Variants in UMAD1 observed in about 807,000 individuals in gnomAD.
UMAD1 encodes UBAP1-MVB12-associated (UMA) domain containing 1.
A neutral mutation model predicts 6.1 loss-of-function variants in UMAD1; 8 were observed. The observed-to-expected ratio is 1.30, with a 90% confidence interval of 0.76 to 2.35. The LOEUF (loss-of-function observed/expected upper bound fraction) is 2.35. Among genes scored for constraint, UMAD1 ranks in the 30% most tolerant of loss-of-function variants. The probability of loss-of-function intolerance (pLI) is 0.00; values close to 1 mark genes in which losing one functional copy is unlikely to be tolerated. For synonymous variants in UMAD1, 56 were observed against 31.4 expected, an observed-to-expected ratio of 1.78 and a Z score of -2.61; for missense variants, 130 against 78.4, an observed-to-expected ratio of 1.66 and a Z score of -2.49.
chr7:7,807,623 C>T (rs988227626), intron 3 of UMAD1, among the ~76,000 whole-genome samples: 1 of 151,966 alleles, frequency 6.6e-6, no homozygotes, highest in African/African-American at 2.4e-5. Context: ...TAAAAAAGAT[C>T]TGGTTTGGGC....
intron 2 of UMAD1, among the ~76,000 whole-genome samples, chr7:7,683,180 G>T (rs1271438496): frequency 1.3e-5 from 2 of 152,202 alleles, no homozygotes; most frequent in African/African-American, 2.4e-5. Context: ...CGGGGACTCA[G>T]TGGATTTAGT....
chr7:7,744,006 C>T (rs1240389678), intron 2 of UMAD1, among the ~76,000 whole-genome samples: 1 of 152,010 alleles, frequency 6.6e-6, no homozygotes, highest in Admixed American at 6.5e-5. Context: ...ATAACCATTA[C>T]CATAGTTAAT....
intron 2 of UMAD1, among the ~76,000 whole-genome samples, chr7:7,724,791 G>A (rs1208648692): frequency 6.6e-6 from 1 of 152,210 alleles, no homozygotes; most frequent in Non-Finnish European, 1.5e-5. Context: ...CTTGGCAAAT[G>A]CCCTTTTCTC....
At chr7:7,674,469 G>T (rs1779688809) in intron 2 of UMAD1, among the ~76,000 whole-genome samples, 4 of 152,174 alleles carry the variant, frequency 2.6e-5, no homozygotes, top group Admixed American at 2.0e-4. Context: ...CCATGTTCTG[G>T]CAGGCCTGTT....
At chr7:7,676,069 T>C (rs1779730565) in intron 2 of UMAD1, 2 of 398,646 alleles carry the variant, frequency 5.0e-6, no homozygotes, top group Non-Finnish European at 8.8e-6. Flanking sequence ...TCGTTCTCTT[T>C]TCATCATTCA....
chr7:7,669,432 G>T (rs1563104013), intron 1 of UMAD1, among the ~76,000 whole-genome samples: 1 of 152,142 alleles, frequency 6.6e-6, no homozygotes, highest in Non-Finnish European at 1.5e-5. Context: ...TCCACTGTAG[G>T]TTACGTTTTT....
chr7:7,801,017 A>T (rs780124162), intron 2 of UMAD1, among the ~76,000 whole-genome samples: 1 of 152,238 alleles, frequency 6.6e-6, no homozygotes, highest in Non-Finnish European at 1.5e-5. Context: ...AAATGGGCCA[A>T]TTATGAAATT....
At chr7:7,735,041 G>A (rs962177649) in intron 2 of UMAD1, among the ~76,000 whole-genome samples, 1 of 151,966 alleles carries the variant, frequency 6.6e-6, no homozygotes, top group African/African-American at 2.4e-5. Context: ...TTTCTGTCAT[G>A]AAATACTTAT....
intron 2 of UMAD1, among the ~76,000 whole-genome samples, chr7:7,677,660 TTTTG>T (rs1466351573): frequency 3.1e-5 from 1 of 32,502 alleles, no homozygotes; most frequent in Non-Finnish European, 9.3e-5. Context: ...TCATCTGTTT[TTTTG>T]TTTTTTTTTT....
chr7:7,831,480 T>C (rs1177701764), intron 3 of UMAD1, among the ~76,000 whole-genome samples: 2 of 152,320 alleles, frequency 1.3e-5, no homozygotes, highest in South Asian at 2.1e-4. Context: ...ATGAAAGAAG[T>C]CAAAGTGGCC....
chr7:7,823,278 A>G (rs1783276788), intron 3 of UMAD1, among the ~76,000 whole-genome samples: 2 of 152,150 alleles, frequency 1.3e-5, no homozygotes, highest in Non-Finnish European at 2.9e-5. Flanking sequence ...TTTTCCCTTA[A>G]CTATGATTGC....
chr7:7,869,462 T>C (rs1243979378), intron 3 of UMAD1, among the ~76,000 whole-genome samples: 2 of 152,218 alleles, frequency 1.3e-5, no homozygotes, highest in Non-Finnish European at 2.9e-5. Flanking sequence ...TGCATGTAAA[T>C]TGAATGTGTT....
chr7:7,824,747 G>A (rs1783308284), intron 3 of UMAD1, among the ~76,000 whole-genome samples: 1 of 152,120 alleles, frequency 6.6e-6, no homozygotes, highest in Non-Finnish European at 1.5e-5. Flanking sequence ...CTTGAGAAAT[G>A]TTTGAGTGCC....
chr7:7,688,925 T>C (rs1312096360), intron 2 of UMAD1, among the ~76,000 whole-genome samples: 1 of 152,190 alleles, frequency 6.6e-6, no homozygotes, highest in African/African-American at 2.4e-5. Flanking sequence ...AAAATAAGTC[T>C]TTGTTAACTT....
Position 7,877,674 on chromosome 7 carries a change from C to T in UMAD1, c.*136C>T. The stretch of plus-strand genomic sequence containing the variant: ...AAAGCAAAGAAAATAGCATTATGTT[C>T]ACTACTCTATTTTTAAGAAAAAGGT... On this transcript the variant is annotated 3_prime_UTR_variant, in exon 4 of 4. Coordinates refer to ENST00000682710, the MANE Select transcript of UMAD1 (RefSeq NM_001302348.2). 1 of 601,176 alleles carries T rather than the reference C, an allele frequency of 1.7e-6. No individual in the cohort carries two copies. The highest frequency in any genetic ancestry group is 2.9e-5 in the Admixed American group (1 of 34,442). The allele number at this position is 601,176 out of a possible 1,614,324, so 37.2% of individuals were successfully genotyped here. A position where few individuals can be genotyped will look rare whatever the true frequency, so the allele number is the denominator to read the frequency against.
intron 3 of UMAD1, among the ~76,000 whole-genome samples, chr7:7,845,885 A>G (rs1345259875): frequency 1.3e-5 from 2 of 152,172 alleles, no homozygotes; most frequent in Non-Finnish European, 2.9e-5. Flanking sequence ...TAACTGGGAA[A>G]TGATGCCAGT....
At position 7,723,219 on chromosome 7, in the gene UMAD1, G is replaced by C. The variant is rs1039026918; in HGVS notation, c.82+49766G>C. On this transcript the variant is annotated intron_variant, in intron 2 of 3. Coordinates refer to ENST00000682710, the MANE Select transcript of UMAD1 (RefSeq NM_001302348.2). ...TGAGAAGAACTGCTTAAATTTTTCA[G>C]TTTACATAAGCAGAAATCTGGAGAA... Among the ~76,000 whole-genome samples, 5 of 152,178 alleles carry C rather than the reference G, an allele frequency of 3.3e-5. No individual in the cohort carries two copies. The South Asian group carries it at 1.0e-3, about 32-fold the overall frequency.
intron 2 of UMAD1, among the ~76,000 whole-genome samples, chr7:7,689,757 A>G (rs1389153564): frequency 6.6e-6 from 1 of 152,196 alleles, no homozygotes; most frequent in Non-Finnish European, 1.5e-5. Flanking sequence ...AATGAAATTA[A>G]TAGATTGTCA....
chr7:7,775,634 A>C (rs1782190327), intron 2 of UMAD1, among the ~76,000 whole-genome samples: 1 of 152,216 alleles, frequency 6.6e-6, no homozygotes, highest in African/African-American at 2.4e-5. Flanking sequence ...AAAGGCTAAA[A>C]TTACAAAGAC....
Sources: gnomAD v4.1 joint callset for allele counts (sites outside exome capture counted in the v4.1 genomes callset) on GRCh38, gnomAD v4.1.1 for gene constraint, MANE v1.5 for transcripts, NCBI Gene and HGNC (gene_info 2026-07-23, HGNC 2026-07-21) for gene names.